PLCB4: variants seen among roughly 807,000 people sequenced by gnomAD.
PLCB4 encodes the protein phospholipase C beta 4.
A neutral mutation model predicts 178.8 loss-of-function variants in PLCB4; 77 were observed. The ratio of observed to expected loss-of-function variants is 0.43; its 90% CI spans 0.36 to 0.52. The LOEUF (loss-of-function observed/expected upper bound fraction) is 0.52, where lower values mean the gene tolerates loss of function less well. PLCB4 is among the 20% of genes least tolerant of loss of function. The pLI is 0.00. For synonymous variants in PLCB4, 496 were observed against 490.8 expected, an observed-to-expected ratio of 1.01 and a Z score of -0.14; for missense variants, 1,024 against 1,453.4, an observed-to-expected ratio of 0.70 and a Z score of 4.80.
chr20:9,167,929 A>G (rs909475529), intron 2 of PLCB4, among the ~76,000 whole-genome samples: 4 of 152,356 alleles, frequency 2.6e-5, no homozygotes, highest in South Asian at 2.1e-4. Flanking sequence ...GACCATTAAA[A>G]TAAACTTATT....
intron 25 of PLCB4, among the ~76,000 whole-genome samples, chr20:9,419,540 T>A (rs1033977554): frequency 3.3e-5 from 5 of 152,186 alleles, no homozygotes; most frequent in African/African-American, 1.2e-4. Flanking sequence ...TTTATACATA[T>A]AAAGAAAAGT....
intron 2 of PLCB4, among the ~76,000 whole-genome samples, chr20:9,120,159 G>C (rs371607866): frequency 1.3e-5 from 2 of 152,154 alleles, no homozygotes; most frequent in Non-Finnish European, 2.9e-5. Flanking sequence ...TCTGCGTTAC[G>C]GAAGTGAACA....
rs112594420 is a variant in PLCB4 at position 9,472,915 on chromosome 20, C to T, written c.3408+68C>T. 36 of 859,154 alleles carry T rather than the reference C, an allele frequency of 4.2e-5. No individual in the cohort carries two copies. The African/African-American group carries it at 5.2e-4, about 12-fold the overall frequency. 53.2% of individuals were successfully genotyped at this position (859,154 alleles called of 1,614,324 possible). ...CTATAAACAATAACATGCTTAGCCACCAGATCTCTAGCTAATTTGTTTAAT... is the reference window on the plus strand; with the variant it reads ...CTATAAACAATAACATGCTTAGCCATCAGATCTCTAGCTAATTTGTTTAAT... On this transcript the variant is annotated intron_variant, in intron 37 of 39. Coordinates refer to ENST00000378473, the MANE Select transcript of PLCB4 (RefSeq NM_001377142.1).
At chr20:9,140,423 C>T (rs1482858899) in intron 2 of PLCB4, among the ~76,000 whole-genome samples, 1 of 152,108 alleles carries the variant, frequency 6.6e-6, no homozygotes, top group Non-Finnish European at 1.5e-5. Context: ...CCATGCATTG[C>T]TCCTGTTAGG....
At chr20:9,195,023 T>C (rs1474707957) in intron 2 of PLCB4, among the ~76,000 whole-genome samples, 1 of 152,224 alleles carries the variant, frequency 6.6e-6, no homozygotes, top group East Asian at 1.9e-4. Context: ...ATTAGGAAGT[T>C]TGGTTTTTCT....
At chr20:9,367,277 T>G (rs1209251271) in intron 9 of PLCB4, among the ~76,000 whole-genome samples, 3 of 152,212 alleles carry the variant, frequency 2.0e-5, no homozygotes, top group Non-Finnish European at 4.4e-5. Context: ...TTTTTTTAAA[T>G]TTAACTCTTT....
intron 2 of PLCB4, among the ~76,000 whole-genome samples, chr20:9,138,316 A>G (rs2092423901): frequency 6.6e-6 from 1 of 152,138 alleles, no homozygotes; most frequent in South Asian, 2.1e-4. Flanking sequence ...AATAATATAG[A>G]CTAAAAATAT....
Position 9,185,284 on chromosome 20 carries a change from T to C in PLCB4, c.-78-32106T>C, listed in dbSNP as rs539840290. On this transcript the variant is annotated intron_variant, in intron 2 of 39. Coordinates refer to ENST00000378473, the MANE Select transcript of PLCB4 (RefSeq NM_001377142.1). ...CAGGTGCTAAATAGAAACCTAGTGT[T>C]TGACTGAGTGATAACATTTTCTATA... Among the ~76,000 whole-genome samples, 3 of 152,298 alleles carry C rather than the reference T, an allele frequency of 2.0e-5. No individual in the cohort carries two copies. The East Asian group carries it at 5.8e-4, about 29-fold the overall frequency.
chr20:9,175,053 G>A (rs1600901417), intron 2 of PLCB4, among the ~76,000 whole-genome samples: 1 of 152,114 alleles, frequency 6.6e-6, no homozygotes, highest in East Asian at 1.9e-4. Flanking sequence ...AACTATAGTA[G>A]GACATAGGTC....
chr20:9,076,274 C>T (rs999922305), intron 1 of PLCB4, among the ~76,000 whole-genome samples: 4 of 152,086 alleles, frequency 2.6e-5, no homozygotes, highest in Non-Finnish European at 5.9e-5. Flanking sequence ...TGAGACTAGC[C>T]TGGCCAACAT....
chr20:9,379,015 C>G (rs1255833961), intron 12 of PLCB4, among the ~76,000 whole-genome samples: 1 of 152,138 alleles, frequency 6.6e-6, no homozygotes. Context: ...AGAGTTGTCA[C>G]CAAGGTCCTA....
intron 7 of PLCB4, among the ~76,000 whole-genome samples, chr20:9,351,042 T>TA: frequency 6.6e-6 from 1 of 152,262 alleles, no homozygotes; most frequent in Middle Eastern, 3.4e-3. Flanking sequence ...AAGGATTCCT[T>TA]AAAAAAGTCC....
chr20:9,331,603 G>T (rs1288898618), intron 4 of PLCB4, among the ~76,000 whole-genome samples: 1 of 152,038 alleles, frequency 6.6e-6, no homozygotes, highest in African/African-American at 2.4e-5. Flanking sequence ...CCTTATGAGG[G>T]GATTAAACTT....
At chr20:9,159,465 G>A (rs1382475191) in intron 2 of PLCB4, among the ~76,000 whole-genome samples, 1 of 152,140 alleles carries the variant, frequency 6.6e-6, no homozygotes, top group Non-Finnish European at 1.5e-5. Context: ...AAGAGATTTA[G>A]CATGTTTTTG....
rs552641793 is a variant in PLCB4 at position 9,445,989 on chromosome 20, A to G, written c.2880+1746A>G. ...TTGGAAACATAAAGATTTTGGCTTC[A>G]TTTAATATTTTCTTGAGGCATGGCC... On this transcript the variant is annotated intron_variant, in intron 32 of 39. Transcript: ENST00000378473. Among the ~76,000 whole-genome samples the G allele has an allele frequency of 1.6e-4, 25 of 152,326 alleles. No homozygotes were observed. The East Asian group carries it at 4.4e-3, about 27-fold the overall frequency.
chr20:9,248,495 T>C (rs904935458), intron 3 of PLCB4, among the ~76,000 whole-genome samples: 5 of 152,216 alleles, frequency 3.3e-5, no homozygotes, highest in African/African-American at 1.2e-4. Context: ...TCCTGGAGCA[T>C]ACATAGTGTT....
Position 9,401,418 on chromosome 20 carries a change from A to C in PLCB4, c.1511-72A>C, listed in dbSNP as rs1052623935. ...CTCTAAAAGTGCTTATGTTCTACCC[A>C]AGATTGTGAACAAGGTCTGACTACT... On this transcript the variant is annotated intron_variant, in intron 19 of 39. Coordinates refer to ENST00000378473, the MANE Select transcript of PLCB4 (RefSeq NM_001377142.1). The C allele has an allele frequency of 2.6e-5, 26 of 1,003,530 alleles. 1 individual carries two copies. Among genetic ancestry groups the C allele is most frequent in the Admixed American group, 2.2e-4 (12 of 54,888 alleles). The allele number at this position is 1,003,530 out of a possible 1,614,324, so 62.2% of individuals were successfully genotyped here. A position where few individuals can be genotyped will look rare whatever the true frequency, so the allele number is the denominator to read the frequency against.
At chr20:9,343,472 G>A (rs751023296) in intron 7 of PLCB4, among the ~76,000 whole-genome samples, 2 of 152,088 alleles carry the variant, frequency 1.3e-5, no homozygotes, top group African/African-American at 4.8e-5. Flanking sequence ...TCTGAAACCT[G>A]AGTTTCTCAG....
intron 3 of PLCB4, among the ~76,000 whole-genome samples, chr20:9,224,432 T>C (rs1409130704): frequency 6.6e-6 from 1 of 152,210 alleles, no homozygotes; most frequent in East Asian, 1.9e-4. Flanking sequence ...TTCTTTATTG[T>C]TAGAGGCCTT....
Sources: gnomAD v4.1 joint callset for allele counts (sites outside exome capture counted in the v4.1 genomes callset) on GRCh38, gnomAD v4.1.1 for gene constraint, MANE v1.5 for transcripts, NCBI Gene and HGNC (gene_info 2026-07-23, HGNC 2026-07-21) for gene names.